Variants in SPINK5 observed in about 807,000 individuals in gnomAD.
The protein encoded by SPINK5 is serine protease inhibitor Kazal-type 5.
In SPINK5, 125 loss-of-function variants were observed where a neutral mutation model predicts 151.8. That is an observed-to-expected ratio of 0.82 (90% confidence interval 0.71 to 0.96). The LOEUF is 0.96. Among genes scored for constraint, SPINK5 ranks in the 40% least tolerant of loss-of-function variants. The pLI, the probability that SPINK5 is intolerant of heterozygous loss-of-function variation, is 0.00. For synonymous variants in SPINK5, 374 were observed against 395.3 expected (o/e 0.95, Z 0.64); for missense variants, 1,194 against 1,291.9 (o/e 0.92, Z 1.16).
chr5:148,126,554 A>C (rs1462601748), intron 29 of SPINK5, among the ~76,000 whole-genome samples: 1 of 151,422 alleles, frequency 6.6e-6, no homozygotes, highest in Non-Finnish European at 1.5e-5. Flanking sequence ...TCACTATCTC[A>C]ATGTTCTGTG....
rs1561703850 is a variant in SPINK5, at chr5:148,123,512, A to ATATATATAT, written c.2539-321_2539-320insTATATATAT. On this transcript the variant is annotated intron_variant, in intron 26 of 32. Coordinates refer to ENST00000256084, the MANE Select transcript of SPINK5 (RefSeq NM_006846.4). ...TGTCCAGCCTGGAGTGCAGTGGTGC[A>ATATATATAT]ATATATGTGTATATATATATATATA... Among the ~76,000 whole-genome samples, 344 of 120,886 alleles carry ATATATATAT rather than the reference A, an allele frequency of 2.8e-3. 11 individuals carry two copies. The highest frequency in any genetic ancestry group is 7.3e-3 in the African/African-American group (208 of 28,332). The allele number at this position is 120,886 out of a possible 152,430, so 79.3% of individuals were successfully genotyped here.
intron 28 of SPINK5, 143 bp downstream of exon 28, chr5:148,124,980 C>A: frequency 1.6e-6 from 2 of 1,231,774 alleles, no homozygotes; most frequent in Non-Finnish European, 2.1e-6. Flanking sequence ...CACTTTGTAT[C>A]ATAACAAGAT....
rs763483646 is a variant in SPINK5, at chr5:148,107,042, C to A, written c.1485C>A (p.Ile495=). The change falls in exon 17 of 33, where the codon ATC becomes ATA. Residue 495 remains isoleucine, a synonymous_variant. Coordinates refer to ENST00000256084, the MANE Select transcript of SPINK5 (RefSeq NM_006846.4). ...AKAKREAAKE[I]CSEFRDQVRN... is the part of the protein sequence containing the mutation. ...ATATTTTCTTCATTTCCCAGGAAAT[C>A]TGCAGTGAATTTCGGGACCAAGTGA... is the stretch of plus-strand genomic sequence containing the variant. 2 of 1,612,518 alleles carry A rather than the reference C, an allele frequency of 1.2e-6. No homozygotes were observed. Among genetic ancestry groups the A allele is most frequent in the Non-Finnish European group, 1.7e-6 (2 of 1,179,028 alleles).
In SPINK5 at chr5:148,119,527, G is replaced by A. The variant is rs139455134; in HGVS notation, c.2313+469G>A. Among the ~76,000 whole-genome samples the A allele has an allele frequency of 2.4e-3, 360 of 152,284 alleles. 3 individuals are homozygous for A. Among genetic ancestry groups the A allele is most frequent in the African/African-American group, 7.6e-3 (315 of 41,558 alleles). Reference sequence around the variant, plus strand: ...ATAAAACCAAGATGTTGGTAATGCCGCATTCCTTTGTGGAGGCTCTAGGTG... The same window carrying A: ...ATAAAACCAAGATGTTGGTAATGCCACATTCCTTTGTGGAGGCTCTAGGTG... On this transcript the variant is annotated intron_variant, in intron 24 of 32. Transcript: ENST00000256084.
chr5:148,075,961 C>T (rs1035369865), intron 4 of SPINK5, among the ~76,000 whole-genome samples: 7 of 151,726 alleles, frequency 4.6e-5, no homozygotes, highest in African/African-American at 1.7e-4. Flanking sequence ...TCTGAGGTTG[C>T]AGTCATAATT....
At chr5:148,127,111 T>C (rs372063419) in intron 30 of SPINK5, 32 bp downstream of exon 30, 9 of 1,572,616 alleles carry the variant, frequency 5.7e-6, no homozygotes, top group African/African-American at 2.7e-5. Flanking sequence ...AAGCTACTTA[T>C]CAATTTAATT....
intron 8 of SPINK5, 107 bp downstream of exon 8, chr5:148,091,335 A>G (rs1753304320): frequency 2.2e-6 from 2 of 890,704 alleles, no homozygotes; most frequent in Non-Finnish European, 3.5e-6. Flanking sequence ...TTATTATTAT[A>G]TAGATATTTT....
chr5:148,112,178 T>C (rs1469368309), intron 19 of SPINK5, among the ~76,000 whole-genome samples: 2 of 152,224 alleles, frequency 1.3e-5, no homozygotes, highest in African/African-American at 4.8e-5. Context: ...ACTTCTGTTC[T>C]CTGCAAGCAT....
chr5:148,072,987 T>A (rs59140447), intron 4 of SPINK5, among the ~76,000 whole-genome samples: 5,151 of 151,896 alleles, frequency 0.034, 150 homozygotes, highest in East Asian at 0.13. Flanking sequence ...GAAACATTTT[T>A]AAAATCTTTA....
At chr5:148,075,204 T>C (rs1276522427) in intron 4 of SPINK5, among the ~76,000 whole-genome samples, 1 of 151,700 alleles carries the variant, frequency 6.6e-6, no homozygotes, top group Non-Finnish European at 1.5e-5. Flanking sequence ...CCATTGAATG[T>C]AATATTTATC....
intron 8 of SPINK5, 49 bp downstream of exon 8, chr5:148,091,277 A>G: frequency 1.4e-6 from 2 of 1,470,048 alleles, no homozygotes; most frequent in Non-Finnish European, 1.9e-6. Flanking sequence ...ATATTTATTA[A>G]CAAATGTATG....
At chr5:148,099,378 T>G in intron 12 of SPINK5, 63 bp downstream of exon 12, 1 of 1,454,646 alleles carries the variant, frequency 6.9e-7, no homozygotes, top group Non-Finnish European at 9.6e-7. Flanking sequence ...TTTAAGAGCC[T>G]AAAGGGTGAG....
chr5:148,094,377 A>G lies in SPINK5; in HGVS notation c.690A>G (p.Lys230=), dbSNP rs1561684608. Residue 230 remains lysine, a synonymous_variant, in exon 9 of 33, where the codon AAA becomes AAG. Coordinates refer to ENST00000256084, the MANE Select transcript of SPINK5 (RefSeq NM_006846.4). ...AGGATTTTTGCAAGGAATATGAAAA[A>G]CAAGTGAGAAATGGAAGGCTTTTTT... ...AEKDFCKEYE[K]QVRNGRLFCT... 2 of 1,612,618 alleles carry G rather than the reference A, an allele frequency of 1.2e-6. No homozygotes were observed. Among genetic ancestry groups the G allele is most frequent in the Non-Finnish European group, 1.7e-6 (2 of 1,178,978 alleles).
intron 17 of SPINK5, 127 bp downstream of exon 17, chr5:148,107,291 G>T: frequency 1.6e-6 from 2 of 1,287,680 alleles, no homozygotes; most frequent in South Asian, 1.2e-5. Context: ...CAAGCAGATG[G>T]ATAAGACATT....
chr5:148,124,302 ATGAACT>A (rs1754371745), intron 27 of SPINK5, among the ~76,000 whole-genome samples: 1 of 152,196 alleles, frequency 6.6e-6, no homozygotes, highest in South Asian at 2.1e-4. Context: ...AAAAATGTTT[ATGAACT>A]TCAAAGCATT....
intron 29 of SPINK5, 77 bp downstream of exon 29, chr5:148,125,927 G>A (rs1754420036): frequency 1.3e-6 from 2 of 1,596,684 alleles, no homozygotes; most frequent in Non-Finnish European, 1.7e-6. Flanking sequence ...GAATAAGTTT[G>A]TATATTTATG....
chr5:148,064,415 G>T (rs1321719971), intron 1 of SPINK5, among the ~76,000 whole-genome samples: 2 of 152,118 alleles, frequency 1.3e-5, no homozygotes, highest in East Asian at 3.9e-4. Context: ...AATTCATAAT[G>T]CATATTCTTA....
chr5:148,116,295 T>A, intron 21 of SPINK5, 75 bp from the exon 22 acceptor site: 1 of 1,452,088 alleles, frequency 6.9e-7, no homozygotes, highest in South Asian at 1.1e-5. Context: ...TTTGTTCATA[T>A]AATGAGAAAC....
rs772023894 is a variant in SPINK5 at position 148,072,246 on chromosome 5, T to C, written c.282+26T>C. On this transcript the variant is annotated intron_variant, in intron 4 of 32. Coordinates refer to ENST00000256084, the MANE Select transcript of SPINK5 (RefSeq NM_006846.4). ...GTGAGACTATTTGGAGCCAACCTGTTTACTTTTGAGAGGATGTTTGACTCT... is the reference window on the plus strand; with the variant it reads ...GTGAGACTATTTGGAGCCAACCTGTCTACTTTTGAGAGGATGTTTGACTCT... 3 of 1,607,728 alleles carry C rather than the reference T, an allele frequency of 1.9e-6. No individual in the cohort carries two copies. In the South Asian group the frequency reaches 3.3e-5, roughly 18 times the overall value.
Sources: allele counts gnomAD v4.1 joint callset (sites outside exome capture counted in the v4.1 genomes callset), GRCh38; gene constraint gnomAD v4.1.1; transcripts MANE v1.5; gene names NCBI Gene and HGNC (gene_info 2026-07-23, HGNC 2026-07-21).